Variants in KLHDC2 observed in about 807,000 individuals in gnomAD.
The protein encoded by KLHDC2 is kelch domain-containing protein 2.
In KLHDC2, 38 loss-of-function variants were observed where a neutral mutation model predicts 62.3. The ratio of observed to expected loss-of-function variants is 0.61; its 90% CI spans 0.47 to 0.80. The LOEUF (loss-of-function observed/expected upper bound fraction) is 0.80, where lower values mean the gene tolerates loss of function less well. Among genes scored for constraint, KLHDC2 ranks in the 30% least tolerant of loss-of-function variants. KLHDC2 has a pLI of 0.00. For synonymous variants in KLHDC2, 159 were observed against 161.0 expected (o/e 0.99, Z 0.09); for missense variants, 430 against 495.3 (o/e 0.87, Z 1.25).
chr14:49,778,726 C>CT lies in KLHDC2; in HGVS notation c.633+247dup, dbSNP rs1247617795. ...GCATCTATTACCTAATAATCTAATA[C>CT]TTTTTTTTTTTTTTTGAGACAGAGT... On this transcript the variant is annotated intron_variant, in intron 6 of 12. Transcript: ENST00000298307. Among the ~76,000 whole-genome samples, 663 of 143,924 alleles carry CT rather than the reference C, an allele frequency of 4.6e-3. 4 individuals carry two copies. Among genetic ancestry groups the CT allele is most frequent in the Middle Eastern group, 0.014 (4 of 278 alleles). The allele number at this position is 143,924 out of a possible 152,430, so 94.4% of individuals were successfully genotyped here. A position where few individuals can be genotyped will look rare whatever the true frequency, so the allele number is the denominator to read the frequency against.
Position 49,768,286 on chromosome 14 carries a change from G to T in KLHDC2, c.-183G>T. 1.7e-6 allele frequency: 1 copy of T among 603,684 alleles called. No individual in the cohort carries two copies. The allele number at this position is 603,684 out of a possible 1,614,324, so 37.4% of individuals were successfully genotyped here. Reference sequence around the variant, plus strand: ...GCAGGCGTGCCCCGGCGGCGGCGGAGAGCCGTCCTCGGCCGAGGAGGCTGG... The same window carrying T: ...GCAGGCGTGCCCCGGCGGCGGCGGATAGCCGTCCTCGGCCGAGGAGGCTGG... On this transcript the variant is annotated 5_prime_UTR_variant, in exon 1 of 13. Transcript: ENST00000298307.
Position 49,785,216 on chromosome 14 carries a change from T to G in KLHDC2, c.*2263T>G. The G allele has an allele frequency of 6.2e-7, 1 of 1,611,500 alleles. No homozygotes were observed. Among genetic ancestry groups the G allele is most frequent in the Non-Finnish European group, 8.5e-7 (1 of 1,177,558 alleles). On this transcript the variant is annotated 3_prime_UTR_variant, in exon 13 of 13. Transcript: ENST00000298307. ...AGCCATTCTGTCAACTAATGGTAACTTACTTGTAGTTTGTCATGGTGGTGT... is the reference window on the plus strand; with the variant it reads ...AGCCATTCTGTCAACTAATGGTAACGTACTTGTAGTTTGTCATGGTGGTGT...
In KLHDC2 at chr14:49,785,412, TTA is replaced by T. The variant is rs1890123064; in HGVS notation, c.*2461_*2462del. 3 of 853,040 alleles carry T rather than the reference TTA, an allele frequency of 3.5e-6. No individual in the cohort carries two copies. Among genetic ancestry groups the T allele is most frequent in the Non-Finnish European group, 4.0e-6 (2 of 505,132 alleles). The allele number at this position is 853,040 out of a possible 1,614,324, so 52.8% of individuals were successfully genotyped here. A position where few individuals can be genotyped will look rare whatever the true frequency, so the allele number is the denominator to read the frequency against. On this transcript the variant is annotated 3_prime_UTR_variant, in exon 13 of 13. Coordinates refer to ENST00000298307, the MANE Select transcript of KLHDC2 (RefSeq NM_014315.3). ...TTGAATTAGTATCTCAACATATTTTTTATCTTTTCCTGATATACATACCATCT... is the reference window on the plus strand; with the variant it reads ...TTGAATTAGTATCTCAACATATTTTTTCTTTTCCTGATATACATACCATCT...
intron 10 of KLHDC2, 128 bp from the exon 11 acceptor site, chr14:49,782,242 C>G (rs1594707842): frequency 1.8e-6 from 1 of 560,308 alleles, no homozygotes; most frequent in Non-Finnish European, 3.2e-6. Flanking sequence ...GATTTTACTT[C>G]TCGCCATGAT....
At position 49,779,592 on chromosome 14, in the gene KLHDC2, T is replaced by G; in HGVS notation, c.634-3T>G. 1 of 1,612,782 alleles carries G rather than the reference T, an allele frequency of 6.2e-7. No individual in the cohort carries two copies. Among genetic ancestry groups the G allele is most frequent in the East Asian group, 2.2e-5 (1 of 44,852 alleles). On this transcript the variant is annotated splice_polypyrimidine_tract_variant and splice_region_variant and intron_variant, in intron 6 of 12. Transcript: ENST00000298307. ...CACTAACTTGCTTATGTGCCTCTAA[T>G]AGGGTAAAGCACCTTCACCTCGTGC...
chr14:49,780,495 C>T lies in KLHDC2; in HGVS notation c.883+173C>T, dbSNP rs1046667424. On this transcript the variant is annotated intron_variant, in intron 9 of 12. Transcript: ENST00000298307. ...TTGTACTATATGGCATACTTCTGTT[C>T]AATAAAGAACCTGGAGCACTTAAGA... 4.1e-5 allele frequency: 26 copies of T among 636,238 alleles called. No homozygotes were observed. In the Admixed American group the frequency reaches 4.2e-4, roughly 10 times the overall value. The allele number at this position is 636,238 out of a possible 1,614,324, so 39.4% of individuals were successfully genotyped here.
At position 49,783,161 on chromosome 14, in the gene KLHDC2, A is replaced by G. The variant is rs1240921827; in HGVS notation, c.*208A>G. The G allele has an allele frequency of 2.6e-6, 1 of 385,658 alleles. No homozygotes were observed. The highest frequency in any genetic ancestry group is 4.5e-6 in the Non-Finnish European group (1 of 219,926). 23.9% of individuals were successfully genotyped at this position (385,658 alleles called of 1,614,324 possible). On this transcript the variant is annotated 3_prime_UTR_variant, in exon 13 of 13. Coordinates refer to ENST00000298307, the MANE Select transcript of KLHDC2 (RefSeq NM_014315.3). ...CCAGTAGCTGTCCTCTATTAAAGTAAAGTAATGGTTGGGCTTTTTACCCTG... is the reference window on the plus strand; with the variant it reads ...CCAGTAGCTGTCCTCTATTAAAGTAGAGTAATGGTTGGGCTTTTTACCCTG...
chr14:49,782,794 G>C, intron 12 of KLHDC2, 36 bp from the exon 13 acceptor site: 1 of 1,600,572 alleles, frequency 6.2e-7, no homozygotes, highest in Non-Finnish European at 8.5e-7. Context: ...AAACAGTAAA[G>C]TGAAATTACT....
At position 49,768,309 on chromosome 14, in the gene KLHDC2, T is replaced by C. The variant is rs1889585497; in HGVS notation, c.-160T>C. On this transcript the variant is annotated 5_prime_UTR_variant, in exon 1 of 13. Coordinates refer to ENST00000298307, the MANE Select transcript of KLHDC2 (RefSeq NM_014315.3). The stretch of plus-strand genomic sequence containing the variant: ...GAGAGCCGTCCTCGGCCGAGGAGGC[T>C]GGGAAACGCGAGCGCAGGCGGCAGA... The C allele has an allele frequency of 1.3e-6, 1 of 761,930 alleles. No individual in the cohort carries two copies. The highest frequency in any genetic ancestry group is 2.0e-6 in the Non-Finnish European group (1 of 499,722). The allele number at this position is 761,930 out of a possible 1,614,324, so 47.2% of individuals were successfully genotyped here.
Position 49,778,466 on chromosome 14 carries a change from C to CTT in KLHDC2, c.605_606insTT (p.Phe203TyrfsTer8). On this transcript the variant is annotated frameshift_variant, in exon 6 of 13. Coordinates refer to ENST00000298307, the MANE Select transcript of KLHDC2 (RefSeq NM_014315.3). LOFTEE classifies it high-confidence loss of function. Reference sequence around the variant, plus strand: ...CATGTACATATTTTAGATACTGAAACATTTACCTGGAGCCAGCCTATAACT... The same window carrying CTT: ...CATGTACATATTTTAGATACTGAAACTTATTTACCTGGAGCCAGCCTATAACT... 1 of 1,461,294 alleles carries CTT rather than the reference C, an allele frequency of 6.8e-7. No individual in the cohort carries two copies. Among genetic ancestry groups the CTT allele is most frequent in the Non-Finnish European group, 9.2e-7 (1 of 1,081,688 alleles). The allele number at this position is 1,461,294 out of a possible 1,614,324, so 90.5% of individuals were successfully genotyped here.
intron 3 of KLHDC2, 61 bp downstream of exon 3, chr14:49,774,739 T>C (rs1234435553): frequency 1.8e-5 from 18 of 999,252 alleles, no homozygotes; most frequent in Non-Finnish European, 2.9e-5. Flanking sequence ...TTCAAACAAC[T>C]GCAAATTTCT....
chr14:49,778,408 T>C lies in KLHDC2; in HGVS notation c.550-3T>C. 1 of 1,531,594 alleles carries C rather than the reference T, an allele frequency of 6.5e-7. No homozygotes were observed. Among genetic ancestry groups the C allele is most frequent in the Non-Finnish European group, 9.0e-7 (1 of 1,114,928 alleles). 94.9% of individuals were successfully genotyped at this position (1,531,594 alleles called of 1,614,324 possible). ...AAATAACGCGGATTCTTATTTTCTG[T>C]AGAATTCAAGTCATCCAAGAGGATG... is the stretch of plus-strand genomic sequence containing the variant. On this transcript the variant is annotated splice_polypyrimidine_tract_variant and splice_region_variant and intron_variant, in intron 5 of 12. Transcript: ENST00000298307.
chr14:49,768,729 G>A (rs1889597290), intron 1 of KLHDC2, 108 bp downstream of exon 1: 7 of 1,075,096 alleles, frequency 6.5e-6, no homozygotes, highest in Middle Eastern at 3.2e-4. Context: ...CTCCCCGCCT[G>A]CGTCGCGCGC....
intron 1 of KLHDC2, among the ~76,000 whole-genome samples, chr14:49,769,379 TG>T (rs1468565534): frequency 7.2e-5 from 11 of 152,226 alleles, no homozygotes; most frequent in Non-Finnish European, 1.6e-4. Context: ...TTTGCTAGGA[TG>T]GCTCTGAGCC....
chr14:49,768,870 A>G, intron 1 of KLHDC2: 3 of 450,748 alleles, frequency 6.7e-6, no homozygotes, highest in Non-Finnish European at 1.2e-5. Flanking sequence ...AAGCCAACTC[A>G]CTCCCACCCC....
chr14:49,779,720 A>G (rs1323310900), intron 7 of KLHDC2, 28 bp from the exon 8 acceptor site: 3 of 1,610,274 alleles, frequency 1.9e-6, no homozygotes, highest in East Asian at 2.2e-5. Flanking sequence ...GAATTCTTCA[A>G]AATGATAACT....
chr14:49,768,237 G>T lies in KLHDC2; in HGVS notation c.-232G>T, dbSNP rs1316922800. The T allele has an allele frequency of 2.6e-6, 1 of 391,188 alleles. No homozygotes were observed. The highest frequency in any genetic ancestry group is 4.2e-5 in the East Asian group (1 of 23,670). 24.2% of individuals were successfully genotyped at this position (391,188 alleles called of 1,614,324 possible). On this transcript the variant is annotated 5_prime_UTR_variant, in exon 1 of 13. Coordinates refer to ENST00000298307, the MANE Select transcript of KLHDC2 (RefSeq NM_014315.3). Reference sequence around the variant, plus strand: ...CCCGGGCCCGCGCCGCCGCCGCCCGGCTCCGCTCGCGGCCCCTCTGTCTGC... The same window carrying T: ...CCCGGGCCCGCGCCGCCGCCGCCCGTCTCCGCTCGCGGCCCCTCTGTCTGC...
chr14:49,785,405 A>G lies in KLHDC2; in HGVS notation c.*2452A>G, dbSNP rs147956886. ...AAAACACTTGAATTAGTATCTCAAC[A>G]TATTTTTTATCTTTTCCTGATATAC... On this transcript the variant is annotated 3_prime_UTR_variant, in exon 13 of 13. Coordinates refer to ENST00000298307, the MANE Select transcript of KLHDC2 (RefSeq NM_014315.3). 48 of 874,392 alleles carry G rather than the reference A, an allele frequency of 5.5e-5. No homozygotes were observed. The highest frequency in any genetic ancestry group is 4.7e-4 in the African/African-American group (28 of 59,856). The allele number at this position is 874,392 out of a possible 1,614,324, so 54.2% of individuals were successfully genotyped here. A position where few individuals can be genotyped will look rare whatever the true frequency, so the allele number is the denominator to read the frequency against.
At chr14:49,780,876 T>A (rs1008904490) in intron 10 of KLHDC2, 101 bp downstream of exon 10, 1 of 725,126 alleles carries the variant, frequency 1.4e-6, no homozygotes, top group Non-Finnish European at 2.5e-6. Context: ...ATCTCAGCAT[T>A]CACTAAGGTT....
Sources: allele counts gnomAD v4.1 joint callset (sites outside exome capture counted in the v4.1 genomes callset), GRCh38; gene constraint gnomAD v4.1.1; transcripts MANE v1.5; gene names NCBI Gene and HGNC (gene_info 2026-07-23, HGNC 2026-07-21).